Variants in TNFAIP3 observed in about 807,000 individuals in gnomAD.
TNFAIP3 encodes TNF alpha induced protein 3, also known as tumor necrosis factor alpha-induced protein 3.
A neutral mutation model predicts 72.4 loss-of-function variants in TNFAIP3; 9 were observed. That is an observed-to-expected ratio of 0.12 (90% CI 0.07 to 0.22). The LOEUF (loss-of-function observed/expected upper bound fraction) is 0.22. Ranked by LOEUF, TNFAIP3 falls within the 10% of genes least tolerant of loss-of-function variation. The probability of loss-of-function intolerance (pLI) is 1.00; values close to 1 mark genes in which losing one functional copy is unlikely to be tolerated. For missense variants in TNFAIP3, 833 were observed against 1,018.7 expected, an observed-to-expected ratio of 0.82 and a Z score of 2.48; for synonymous variants, 339 against 372.6, an observed-to-expected ratio of 0.91 and a Z score of 1.04.
Position 137,880,125 on chromosome 6 carries a change from C to T in TNFAIP3, c.1961C>T (p.Thr654Ile), listed in dbSNP as rs780049410. 2 of 1,614,002 alleles carry T rather than the reference C, an allele frequency of 1.2e-6. No homozygotes were observed. The highest frequency in any genetic ancestry group is 2.7e-5 in the African/African-American group (2 of 74,890). ...CCCACAGCGTCCAGGTTCCAGAACA[C>T]CATTCCGTGCCTGGGGAGGGAATGC... ...VSPTASRFQN[T>I]IPCLGRECGT... The change falls in exon 8 of 9, where the codon ACC (threonine) becomes ATC (isoleucine). Residue 654 changes from threonine (T) to isoleucine (I), a missense_variant. Around this residue, in one of 2 missense-constraint regions of TNFAIP3, gnomAD observed 587 missense variants for 657.8 expected, o/e 0.89. Transcript: ENST00000612899.
chr6:137,879,374 T>G (rs1309109388), intron 7 of TNFAIP3, 23 bp downstream of exon 7: 1 of 1,598,622 alleles, frequency 6.3e-7, no homozygotes, highest in Non-Finnish European at 8.5e-7. Flanking sequence ...GTTGACTTCC[T>G]AACACAGCGG....
rs748195339 is a variant in TNFAIP3 at position 137,878,719 on chromosome 6, C to G, written c.1274C>G (p.Pro425Arg). 4 of 1,613,968 alleles carry G rather than the reference C, an allele frequency of 2.5e-6. No individual in the cohort carries two copies. The highest frequency in any genetic ancestry group is 3.3e-5 in the Admixed American group (2 of 60,008). The change falls in exon 7 of 9, where the codon CCG (proline) becomes CGG (arginine). Residue 425 changes from proline (P) to arginine (R), a missense_variant. Around this residue, in one of 2 missense-constraint regions of TNFAIP3, gnomAD observed 587 missense variants for 657.8 expected, o/e 0.89. Transcript: ENST00000612899. ...AAACTCCCAAAGCTGAACTCCAAGC[C>G]GGGCCCTGAGGGGCTCCCTGGCATG... ...QNKLPKLNSK[P>R]GPEGLPGMAL...
rs1209684809 is a variant in TNFAIP3 at position 137,881,220 on chromosome 6, C to G, written c.2274C>G (p.Pro758=). The G allele has an allele frequency of 1.9e-6, 3 of 1,611,444 alleles. No homozygotes were observed. The highest frequency in any genetic ancestry group is 2.2e-5 in the East Asian group (1 of 44,744). ...HRGEPAPEDP[P]KQRCRAPACD... is the part of the protein sequence containing the mutation. ...GTGAGCCTGCCCCCGAAGACCCCCC[C>G]AAGCAGCGTTGCCGGGCCCCCGCCT... The change falls in exon 9 of 9, where the codon CCC becomes CCG. Residue 758 remains proline (P), a synonymous_variant. Coordinates refer to ENST00000612899, the MANE Select transcript of TNFAIP3 (RefSeq NM_001270508.2). The surrounding 1 kb of genome is among the most constrained non-coding windows in gnomAD (Gnocchi z 5.0).
rs1775873452 is a variant in TNFAIP3, at chr6:137,867,406, C to T, written c.-152C>T. The stretch of plus-strand genomic sequence containing the variant: ...AGGCGTCCATGGAGCGTCGCCTCCG[C>T]CCGGTCCCTGCCCCGACCCCCGCCT... On this transcript the variant is annotated 5_prime_UTR_variant, in exon 1 of 9. Coordinates refer to ENST00000612899, the MANE Select transcript of TNFAIP3 (RefSeq NM_001270508.2). The surrounding 1 kb of genome is among the most constrained non-coding windows in gnomAD (Gnocchi z 6.0). 1 of 152,688 alleles carries T rather than the reference C, an allele frequency of 6.5e-6. No individual in the cohort carries two copies. Among genetic ancestry groups the T allele is most frequent in the African/African-American group, 2.4e-5 (1 of 41,452 alleles). The allele number at this position is 152,688 out of a possible 1,614,324, so 9.5% of individuals were successfully genotyped here. A position where few individuals can be genotyped will look rare whatever the true frequency, so the allele number is the denominator to read the frequency against.
rs750813594 is a variant in TNFAIP3, at chr6:137,871,161, G to C, written c.-15-52G>C. 6.6e-7 allele frequency: 1 copy of C among 1,512,366 alleles called. No homozygotes were observed. Among genetic ancestry groups the C allele is most frequent in the Non-Finnish European group, 8.9e-7 (1 of 1,127,898 alleles). The allele number at this position is 1,512,366 out of a possible 1,614,324, so 93.7% of individuals were successfully genotyped here. On this transcript the variant is annotated intron_variant, in intron 1 of 8. Transcript: ENST00000612899. The surrounding 1 kb of genome is among the most constrained non-coding windows in gnomAD (Gnocchi z 4.2). The stretch of plus-strand genomic sequence containing the variant: ...TCCTGCAGGCAGCTATAGAGGAGTC[G>C]TATTAAAGTCAGGCTAATAGAATGG...
Position 137,874,979 on chromosome 6 carries a change from C to A in TNFAIP3, c.430C>A (p.Leu144Met). Residue 144 changes from leucine (L) to methionine (M), a missense_variant, in exon 3 of 9, where the codon CTG becomes ATG. By Grantham distance (15) the Leu-to-Met change is conservative. Coordinates refer to ENST00000612899, the MANE Select transcript of TNFAIP3 (RefSeq NM_001270508.2). ...DTRNFKFRWQ[L>M]ESLKSQEFVE... ...ACGCAACTTTAAATTCCGCTGGCAACTGGAGTCTCTCAAATCTCAGGAATT... is the reference window on the plus strand; with the variant it reads ...ACGCAACTTTAAATTCCGCTGGCAAATGGAGTCTCTCAAATCTCAGGAATT... The A allele has an allele frequency of 6.2e-7, 1 of 1,614,256 alleles. No individual in the cohort carries two copies. Among genetic ancestry groups the A allele is most frequent in the Non-Finnish European group, 8.5e-7 (1 of 1,180,044 alleles).
chr6:137,876,950 C>A, intron 5 of TNFAIP3, 126 bp from the exon 6 acceptor site: 1 of 746,726 alleles, frequency 1.3e-6, no homozygotes. Context: ...TTGGGTTTAA[C>A]TGTGGCTAAG....
chr6:137,871,033 C>T lies in TNFAIP3; in HGVS notation c.-15-180C>T, dbSNP rs1407041031. ...TTAAAGTGATGTAACTTAAAACAGTCCAGTGTGAGTTAATCTCTGGGGCCA... is the reference window on the plus strand; with the variant it reads ...TTAAAGTGATGTAACTTAAAACAGTTCAGTGTGAGTTAATCTCTGGGGCCA... On this transcript the variant is annotated intron_variant, in intron 1 of 8. Transcript: ENST00000612899. This position sits in a 1 kb window ranked among gnomAD's most constrained non-coding sequence, Gnocchi z 4.2. Among the ~76,000 whole-genome samples, 11 of 152,284 alleles carry T rather than the reference C, an allele frequency of 7.2e-5. No homozygotes were observed.
In TNFAIP3 at chr6:137,882,245, CT is replaced by C. The variant is rs1776489077; in HGVS notation, c.*928del. 1 of 232,026 alleles carries C rather than the reference CT, an allele frequency of 4.3e-6. No individual in the cohort carries two copies. Among genetic ancestry groups the C allele is most frequent in the African/African-American group, 2.2e-5 (1 of 45,278 alleles). The allele number at this position is 232,026 out of a possible 1,614,324, so 14.4% of individuals were successfully genotyped here. A position where few individuals can be genotyped will look rare whatever the true frequency, so the allele number is the denominator to read the frequency against. On this transcript the variant is annotated 3_prime_UTR_variant, in exon 9 of 9. Coordinates refer to ENST00000612899, the MANE Select transcript of TNFAIP3 (RefSeq NM_001270508.2). ...GGGGCATGAGCTTGTGTATACACTG[CT>C]TGCATAAACTCAACCAGCTGCCTTT...
rs758132383 is a variant in TNFAIP3 at position 137,880,108 on chromosome 6, G to T, written c.1944G>T (p.Ala648=). The change falls in exon 8 of 9, where the codon GCG becomes GCT. Residue 648 remains alanine, a synonymous_variant. Coordinates refer to ENST00000612899, the MANE Select transcript of TNFAIP3 (RefSeq NM_001270508.2). The part of the protein sequence containing the change: ...AAASGKVSPT[A]SRFQNTIPCL... Reference sequence around the variant, plus strand: ...CCTCAGGGAAAGTCAGTCCCACAGCGTCCAGGTTCCAGAACACCATTCCGT... The same window carrying T: ...CCTCAGGGAAAGTCAGTCCCACAGCTTCCAGGTTCCAGAACACCATTCCGT... The T allele has an allele frequency of 1.9e-6, 3 of 1,614,090 alleles. No individual in the cohort carries two copies. The highest frequency in any genetic ancestry group is 1.3e-5 in the African/African-American group (1 of 74,996).
rs1194733647 is a variant in TNFAIP3, at chr6:137,881,157, G to A, written c.2211G>A (p.Gln737=). 1 of 1,613,952 alleles carries A rather than the reference G, an allele frequency of 6.2e-7. No homozygotes were observed. Among genetic ancestry groups the A allele is most frequent in the East Asian group, 2.2e-5 (1 of 44,844 alleles). ...CRSEELCMEC[Q]HPNQRMGPGA... is the part of the protein sequence containing the mutation. ...GCGAGGAGCTCTGCATGGAGTGTCA[G>A]CATCCCAACCAGAGGATGGGCCCTG... The change falls in exon 9 of 9, where the codon CAG becomes CAA. Residue 737 remains glutamine (Q), a synonymous_variant. Transcript: ENST00000612899. This position sits in a 1 kb window ranked among gnomAD's most constrained non-coding sequence, Gnocchi z 5.0.
chr6:137,881,151 G>T lies in TNFAIP3; in HGVS notation c.2205G>T (p.Glu735Asp). 6.2e-7 allele frequency: 1 copy of T among 1,613,996 alleles called. No individual in the cohort carries two copies. Among genetic ancestry groups the T allele is most frequent in the African/African-American group, 1.3e-5 (1 of 75,028 alleles). ...GCCGCAGCGAGGAGCTCTGCATGGAGTGTCAGCATCCCAACCAGAGGATGG... is the reference window on the plus strand; with the variant it reads ...GCCGCAGCGAGGAGCTCTGCATGGATTGTCAGCATCCCAACCAGAGGATGG... The part of the protein sequence containing the change: ...LACRSEELCM[E>D]CQHPNQRMGP... Residue 735 changes from glutamate to aspartate, a missense_variant, in exon 9 of 9, where the codon GAG (glutamate) becomes GAT (aspartate). Around this residue, in one of 2 missense-constraint regions of TNFAIP3, gnomAD observed 587 missense variants for 657.8 expected, o/e 0.89. Coordinates refer to ENST00000612899, the MANE Select transcript of TNFAIP3 (RefSeq NM_001270508.2). The surrounding 1 kb of genome is among the most constrained non-coding windows in gnomAD (Gnocchi z 5.0).
intron 3 of TNFAIP3, 129 bp downstream of exon 3, chr6:137,875,164 C>G (rs1776201930): frequency 1.8e-6 from 2 of 1,098,244 alleles, no homozygotes; most frequent in Non-Finnish European, 2.6e-6. Flanking sequence ...GCGAAGCATA[C>G]TCAATGGAAA....
chr6:137,875,567 G>T, intron 3 of TNFAIP3, 121 bp from the exon 4 acceptor site: 1 of 1,260,626 alleles, frequency 7.9e-7, no homozygotes, highest in African/African-American at 1.5e-5. Context: ...ATGGTTTCAT[G>T]AAAGGGGAAA....
Position 137,881,691 on chromosome 6 carries a change from A to G in TNFAIP3, c.*372A>G. 3.9e-6 allele frequency: 1 copy of G among 259,028 alleles called. No homozygotes were observed. Among genetic ancestry groups the G allele is most frequent in the Non-Finnish European group, 7.3e-6 (1 of 136,148 alleles). 16.0% of individuals were successfully genotyped at this position (259,028 alleles called of 1,614,324 possible). The stretch of plus-strand genomic sequence containing the variant: ...TCATCGTCTTGGCTGAGAAAGGGAA[A>G]AGACACACAAGTCGCGTGGGTTGGA... On this transcript the variant is annotated 3_prime_UTR_variant, in exon 9 of 9. Coordinates refer to ENST00000612899, the MANE Select transcript of TNFAIP3 (RefSeq NM_001270508.2). This position sits in a 1 kb window ranked among gnomAD's most constrained non-coding sequence, Gnocchi z 5.0.
In TNFAIP3 at chr6:137,883,238, G is replaced by T. The variant is rs575645800; in HGVS notation, c.*1919G>T. On this transcript the variant is annotated 3_prime_UTR_variant, in exon 9 of 9. Coordinates refer to ENST00000612899, the MANE Select transcript of TNFAIP3 (RefSeq NM_001270508.2). ...ATAGAAAGCCACCTATTCTTTGTTG[G>T]ATTTCTTCAAGTTTTTCTAAATAAA... The T allele has an allele frequency of 1.1e-3, 204 of 194,152 alleles. 1 individual carries two copies. The highest frequency in any genetic ancestry group is 1.7e-3 in the Non-Finnish European group (158 of 93,520). The allele number at this position is 194,152 out of a possible 1,614,324, so 12.0% of individuals were successfully genotyped here. A position where few individuals can be genotyped will look rare whatever the true frequency, so the allele number is the denominator to read the frequency against.
At chr6:137,874,061 G>T (rs549401881) in intron 2 of TNFAIP3, among the ~76,000 whole-genome samples, 1 of 152,306 alleles carries the variant, frequency 6.6e-6, no homozygotes, top group African/African-American at 2.4e-5. Context: ...AACTGGAAAG[G>T]TCACAGATTA....
In TNFAIP3 at chr6:137,869,396, C is replaced by CGGATGGAT. The variant is rs1554223864; in HGVS notation, c.-15-1813_-15-1812insGGATGGAT. Among the ~76,000 whole-genome samples, 189 of 138,886 alleles carry CGGATGGAT rather than the reference C, an allele frequency of 1.4e-3. 1 individual carries two copies. The highest frequency in any genetic ancestry group is 4.5e-3 in the African/African-American group (163 of 36,474). The allele number at this position is 138,886 out of a possible 152,430, so 91.1% of individuals were successfully genotyped here. A position where few individuals can be genotyped will look rare whatever the true frequency, so the allele number is the denominator to read the frequency against. On this transcript the variant is annotated intron_variant, in intron 1 of 8. Transcript: ENST00000612899. ...ATGGATGGACGGACGGACGGACGGA[C>CGGATGGAT]GGATAGATGATATTGTGAAAGAGAC...
chr6:137,881,503 C>T lies in TNFAIP3; in HGVS notation c.*184C>T, dbSNP rs892725407. 5.0e-5 allele frequency: 26 copies of T among 517,654 alleles called. No individual in the cohort carries two copies. The highest frequency in any genetic ancestry group is 4.9e-4 in the African/African-American group (25 of 50,760). The allele number at this position is 517,654 out of a possible 1,614,324, so 32.1% of individuals were successfully genotyped here. On this transcript the variant is annotated 3_prime_UTR_variant, in exon 9 of 9. Coordinates refer to ENST00000612899, the MANE Select transcript of TNFAIP3 (RefSeq NM_001270508.2). This position sits in a 1 kb window ranked among gnomAD's most constrained non-coding sequence, Gnocchi z 5.0. ...CAGGTTTGGTAACCCGGGAGTGTTC[C>T]CAGGTGGCCTTAGAAAGCAAAGCTT...
Sources: gnomAD v4.1 joint callset for allele counts (sites outside exome capture counted in the v4.1 genomes callset) on GRCh38, gnomAD v4.1.1 for gene constraint, gnomAD v4.1.1 regional missense constraint, Gnocchi (gnomAD v3.1) non-coding constraint, MANE v1.5 for transcripts, NCBI Gene and HGNC (gene_info 2026-07-23, HGNC 2026-07-21) for gene names.